SLCO6A1: variants seen among roughly 807,000 people sequenced by gnomAD.
SLCO6A1 encodes solute carrier organic anion transporter family member 6A1.
In SLCO6A1, 65 loss-of-function variants were observed where a neutral mutation model predicts 72.7. The ratio of observed to expected loss-of-function variants is 0.89; its 90% confidence interval spans 0.73 to 1.10. The LOEUF is 1.10. Ranked by LOEUF, SLCO6A1 falls within the 50% of genes least tolerant of loss-of-function variation. The pLI, the probability that SLCO6A1 is intolerant of heterozygous loss-of-function variation, is 0.00. For synonymous variants in SLCO6A1, 314 were observed against 298.2 expected (o/e 1.05, Z -0.55); for missense variants, 874 against 872.6 (o/e 1.00, Z -0.02).
intron 7 of SLCO6A1, among the ~76,000 whole-genome samples, chr5:102,434,375 C>A (rs1297215136): frequency 6.6e-6 from 1 of 152,160 alleles, no homozygotes; most frequent in Admixed American, 6.5e-5. Flanking sequence ...GGTTCCCTAA[C>A]CTCAAGATTT....
intron 9 of SLCO6A1, among the ~76,000 whole-genome samples, chr5:102,405,296 A>G (rs904915893): frequency 6.6e-6 from 1 of 152,064 alleles, no homozygotes; most frequent in Admixed American, 6.6e-5. Context: ...AACTACCCAA[A>G]TTTGGTGAAA....
intron 12 of SLCO6A1, among the ~76,000 whole-genome samples, chr5:102,387,655 A>G (rs1746490307): frequency 6.6e-6 from 1 of 152,152 alleles, no homozygotes; most frequent in Non-Finnish European, 1.5e-5. Context: ...ACTTTTATCA[A>G]ACAGATATTT....
At chr5:102,399,252 A>C (rs1169673913) in intron 10 of SLCO6A1, among the ~76,000 whole-genome samples, 1 of 141,396 alleles carries the variant, frequency 7.1e-6, no homozygotes, top group Non-Finnish European at 1.5e-5. Flanking sequence ...TTAACATTAT[A>C]ATCAAATCTG....
rs1580506967 is a variant in SLCO6A1, at chr5:102,480,110, A to G, written c.616+67T>C. The G allele has an allele frequency of 2.9e-6, 4 of 1,389,754 alleles. No individual in the cohort carries two copies. The East Asian group carries it at 9.2e-5, about 32-fold the overall frequency. 86.1% of individuals were successfully genotyped at this position (1,389,754 alleles called of 1,614,324 possible). A position where few individuals can be genotyped will look rare whatever the true frequency, so the allele number is the denominator to read the frequency against. On this transcript the variant is annotated intron_variant, in intron 2 of 13. Coordinates refer to ENST00000506729, the MANE Select transcript of SLCO6A1 (RefSeq NM_173488.5). Reference sequence around the variant, plus strand: ...ACAAATAATTATCACAGTCTATTTTAAGTTCCTTGAGCCAAGGTTTGAATG... The same window carrying G: ...ACAAATAATTATCACAGTCTATTTTGAGTTCCTTGAGCCAAGGTTTGAATG...
intron 9 of SLCO6A1, among the ~76,000 whole-genome samples, chr5:102,411,863 T>C (rs1748004103): frequency 6.6e-6 from 1 of 152,156 alleles, no homozygotes; most frequent in South Asian, 2.1e-4. Flanking sequence ...GAATCTCTAT[T>C]AGCATAGCAA....
intron 3 of SLCO6A1, among the ~76,000 whole-genome samples, chr5:102,476,880 T>C (rs1290264156): frequency 1.3e-5 from 2 of 151,882 alleles, no homozygotes; most frequent in Admixed American, 6.6e-5. Flanking sequence ...TTTTCAAAAG[T>C]GATAGTTAGA....
Position 102,379,721 on chromosome 5 carries a change from G to C in SLCO6A1, c.2018-6227C>G, listed in dbSNP as rs1427572235. On this transcript the variant is annotated intron_variant, in intron 12 of 13. Coordinates refer to ENST00000506729, the MANE Select transcript of SLCO6A1 (RefSeq NM_173488.5). The stretch of plus-strand genomic sequence containing the variant: ...TTGTTTCAACTTCAATATTCTCATA[G>C]TAATTCTTACCCTTTAGCTTTCCAT... 3.4e-5 allele frequency among the ~76,000 whole-genome samples: 5 copies of C among 145,282 alleles called. No individual in the cohort carries two copies. The East Asian group carries it at 1.0e-3, about 29-fold the overall frequency.
rs1405826575 is a variant in SLCO6A1, at chr5:102,391,186, C to A, written c.1815-141G>T. 3 of 756,786 alleles carry A rather than the reference C, an allele frequency of 4.0e-6. No individual in the cohort carries two copies. In the African/African-American group the frequency reaches 5.3e-5, roughly 13 times the overall value. 46.9% of individuals were successfully genotyped at this position (756,786 alleles called of 1,614,324 possible). A position where few individuals can be genotyped will look rare whatever the true frequency, so the allele number is the denominator to read the frequency against. On this transcript the variant is annotated intron_variant, in intron 10 of 13. Coordinates refer to ENST00000506729, the MANE Select transcript of SLCO6A1 (RefSeq NM_173488.5). ...CTTTAGCCAATTGACAGAGTTTAAG[C>A]TGGCCTGTTAAAGGACTACAACTCC...
At position 102,408,424 on chromosome 5, in the gene SLCO6A1, G is replaced by A. The variant is rs375506036; in HGVS notation, c.1626+4566C>T. 1.7e-4 allele frequency among the ~76,000 whole-genome samples: 26 copies of A among 152,130 alleles called. No individual in the cohort carries two copies. In the East Asian group the frequency reaches 2.1e-3, roughly 12 times the overall value. The stretch of plus-strand genomic sequence containing the variant: ...TTAAATAGCTAAGAATTTTTCAACC[G>A]ATAGACCTGAATCCACAGACTGAAG... On this transcript the variant is annotated intron_variant, in intron 9 of 13. Coordinates refer to ENST00000506729, the MANE Select transcript of SLCO6A1 (RefSeq NM_173488.5).
At chr5:102,452,702 T>C (rs1336391267) in intron 6 of SLCO6A1, among the ~76,000 whole-genome samples, 1 of 152,196 alleles carries the variant, frequency 6.6e-6, no homozygotes, top group Non-Finnish European at 1.5e-5. Context: ...GATAATCCAT[T>C]CGAAAAATAG....
chr5:102,405,409 G>T (rs1028171783), intron 9 of SLCO6A1, among the ~76,000 whole-genome samples: 1 of 143,816 alleles, frequency 7.0e-6, no homozygotes, highest in Non-Finnish European at 1.5e-5. Flanking sequence ...AAAAAAAAAA[G>T]AAATACTGAA....
At chr5:102,466,420 C>T (rs1362568476) in intron 4 of SLCO6A1, among the ~76,000 whole-genome samples, 1 of 152,100 alleles carries the variant, frequency 6.6e-6, no homozygotes, top group East Asian at 1.9e-4. Flanking sequence ...TTTGTCCAGT[C>T]TATCATTGAT....
At chr5:102,409,379 A>G (rs1179487168) in intron 9 of SLCO6A1, among the ~76,000 whole-genome samples, 2 of 152,108 alleles carry the variant, frequency 1.3e-5, no homozygotes, top group East Asian at 1.9e-4. Context: ...CATACTTGAC[A>G]TATTTTCATT....
At chr5:102,478,274 G>GTA (rs34326156) in intron 2 of SLCO6A1, among the ~76,000 whole-genome samples, 32,363 of 152,094 alleles carry the variant, frequency 0.21, 4,534 homozygotes, top group Non-Finnish European at 0.28. Context: ...AAATATGTTT[G>GTA]TATATATATG....
intron 1 of SLCO6A1, among the ~76,000 whole-genome samples, chr5:102,483,503 C>T (rs1752309221): frequency 6.6e-6 from 1 of 152,148 alleles, no homozygotes; most frequent in African/African-American, 2.4e-5. Context: ...TCCATATACT[C>T]CAAACCAATT....
At chr5:102,385,576 G>C (rs1746366005) in intron 12 of SLCO6A1, among the ~76,000 whole-genome samples, 1 of 151,794 alleles carries the variant, frequency 6.6e-6, no homozygotes, top group African/African-American at 2.4e-5. Flanking sequence ...TCTTCTGTTT[G>C]ATCTACTCTG....
chr5:102,437,220 A>C (rs1749588549), intron 7 of SLCO6A1, among the ~76,000 whole-genome samples: 3 of 152,160 alleles, frequency 2.0e-5, no homozygotes, highest in Non-Finnish European at 4.4e-5. Flanking sequence ...AGCCTCACTT[A>C]CTGATCAACA....
intron 6 of SLCO6A1, among the ~76,000 whole-genome samples, chr5:102,446,703 G>T (rs1010643868): frequency 1.3e-5 from 2 of 152,088 alleles, no homozygotes; most frequent in African/African-American, 2.4e-5. Flanking sequence ...GTTTGTAATA[G>T]ATGACTCTTA....
At chr5:102,385,826 C>CTTTTTTTTTTTTTTTTTTT (rs57983218) in intron 12 of SLCO6A1, among the ~76,000 whole-genome samples, 2 of 121,216 alleles carry the variant, frequency 1.6e-5, no homozygotes, top group Admixed American at 8.7e-5. Context: ...CCTGTTTTTC[C>CTTTTTTTTTTTTTTTTTTT]TTTTTTTTTT....
Sources: allele counts gnomAD v4.1 joint callset (sites outside exome capture counted in the v4.1 genomes callset), GRCh38; gene constraint gnomAD v4.1.1; transcripts MANE v1.5; gene names NCBI Gene and HGNC (gene_info 2026-07-23, HGNC 2026-07-21).